Variants in DOCK2 observed in about 807,000 individuals in gnomAD.
DOCK2 encodes the protein dedicator of cytokinesis protein 2.
In DOCK2, 87 loss-of-function variants were observed where a neutral mutation model predicts 248.9. The observed-to-expected ratio is 0.35, with a 90% CI of 0.29 to 0.42. DOCK2 has a LOEUF of 0.42. DOCK2 is among the 10% of genes least tolerant of loss of function. The probability of loss-of-function intolerance (pLI) is 1.00; values close to 1 mark genes in which losing one functional copy is unlikely to be tolerated. For synonymous variants in DOCK2, 805 were observed against 821.6 expected (o/e 0.98, Z 0.35); for missense variants, 1,747 against 2,300.2 (o/e 0.76, Z 4.92).
At chr5:169,881,489 G>A (rs771859783) in intron 27 of DOCK2, 252 of 1,454,358 alleles carry the variant, frequency 1.7e-4, no homozygotes, top group Admixed American at 2.6e-4. Flanking sequence ...CAAAAGTCAC[G>A]TGGGCCACAA....
chr5:169,999,047 G>A (rs746647290), intron 30 of DOCK2, among the ~76,000 whole-genome samples: 3 of 152,130 alleles, frequency 2.0e-5, no homozygotes, highest in Non-Finnish European at 2.9e-5. Flanking sequence ...CGTGGGTATC[G>A]GCTATTGCAG....
At chr5:169,760,355 A>G (rs980831897) in intron 24 of DOCK2, among the ~76,000 whole-genome samples, 14 of 152,220 alleles carry the variant, frequency 9.2e-5, no homozygotes, top group Non-Finnish European at 2.1e-4. Context: ...TTTAGAAGAG[A>G]GTTGCAAAGA....
intron 26 of DOCK2, among the ~76,000 whole-genome samples, chr5:169,836,907 A>G (rs989836004): frequency 2.0e-5 from 3 of 152,226 alleles, no homozygotes; most frequent in African/African-American, 7.2e-5. Flanking sequence ...ATTGTTACTT[A>G]AAATATTCTC....
At position 170,077,811 on chromosome 5, in the gene DOCK2, C is replaced by T. The variant is rs767664459; in HGVS notation, c.4968C>T (p.Ser1656=). Residue 1656 remains serine, a synonymous_variant, in exon 48 of 52, where the codon AGC becomes AGT. Coordinates refer to ENST00000520908, the MANE Select transcript of DOCK2 (RefSeq NM_004946.3). ...ISLASMNSDC[S]TPSKPTSESF... is the part of the protein sequence containing the mutation. ...TGGCTTCCATGAATTCTGACTGCAG[C>T]ACCCCCAGCAAGCCTACCTCAGAGA... 6.6e-5 allele frequency: 106 copies of T among 1,613,590 alleles called. No individual in the cohort carries two copies. The East Asian group carries it at 2.3e-3, about 35-fold the overall frequency.
intron 2 of DOCK2, among the ~76,000 whole-genome samples, chr5:169,661,057 T>C: frequency 6.6e-6 from 1 of 152,334 alleles, no homozygotes; most frequent in East Asian, 1.9e-4. Flanking sequence ...ATTATTATTT[T>C]AATTGATTTT....
At chr5:169,797,543 AT>A (rs1233994817) in intron 25 of DOCK2, among the ~76,000 whole-genome samples, 1 of 152,164 alleles carries the variant, frequency 6.6e-6, no homozygotes, top group Non-Finnish European at 1.5e-5. Context: ...GAAATACCGC[AT>A]TTTCCTCTCT....
chr5:169,929,402 C>T (rs1040598846), intron 27 of DOCK2, among the ~76,000 whole-genome samples: 1 of 152,102 alleles, frequency 6.6e-6, no homozygotes, highest in Non-Finnish European at 1.5e-5. Flanking sequence ...ATATACAGAA[C>T]TCCTAGCTTA....
chr5:169,716,181 T>C, intron 19 of DOCK2, 32 bp from the exon 20 acceptor site: 1 of 1,601,570 alleles, frequency 6.2e-7, no homozygotes, highest in Non-Finnish European at 8.6e-7. Context: ...GTCTTGTTTC[T>C]GAAGTAGTGC....
At chr5:169,730,076 C>A (rs543558663) in intron 22 of DOCK2, among the ~76,000 whole-genome samples, 1 of 152,318 alleles carries the variant, frequency 6.6e-6, no homozygotes, top group East Asian at 1.9e-4. Context: ...CCTGCCTCAG[C>A]CTCCCGAGTA....
intron 32 of DOCK2, among the ~76,000 whole-genome samples, chr5:170,014,656 AG>A (rs201182245): frequency 0.048 from 2,853 of 59,994 alleles, 105 homozygotes; most frequent in African/African-American, 0.16. Flanking sequence ...TAGACTATGG[AG>A]GGGGGGTCCA....
rs966749678 is a variant in DOCK2 at position 169,942,056 on chromosome 5, C to T, written c.2800-41012C>T. On this transcript the variant is annotated intron_variant, in intron 27 of 51. Transcript: ENST00000520908. ...GTCGTTAGCCTGAACGAAAACAGTT[C>T]GACATGAGAAGGATGTGGGCCTGTC... is the stretch of plus-strand genomic sequence containing the variant. 4.6e-5 allele frequency among the ~76,000 whole-genome samples: 7 copies of T among 152,300 alleles called. No individual in the cohort carries two copies. The South Asian group carries it at 6.2e-4, about 14-fold the overall frequency.
At chr5:170,054,627 T>G (rs955140967) in intron 41 of DOCK2, among the ~76,000 whole-genome samples, 1 of 152,246 alleles carries the variant, frequency 6.6e-6, no homozygotes, top group African/African-American at 2.4e-5. Context: ...GACATTTATT[T>G]GCATATTCTA....
intron 27 of DOCK2, among the ~76,000 whole-genome samples, chr5:169,844,468 C>G (rs1158842295): frequency 1.3e-5 from 2 of 152,210 alleles, no homozygotes; most frequent in Admixed American, 6.5e-5. Flanking sequence ...AGCTGGGCAC[C>G]TTGGCCTTGG....
At chr5:169,985,672 T>G (rs577438847) in intron 28 of DOCK2, among the ~76,000 whole-genome samples, 156 bp from the exon 29 acceptor site, 1 of 152,314 alleles carries the variant, frequency 6.6e-6, no homozygotes. Flanking sequence ...ATTCCAGCAT[T>G]CAATCTTTAA....
intron 27 of DOCK2, among the ~76,000 whole-genome samples, chr5:169,903,311 T>C (rs1019583291): frequency 9.0e-6 from 1 of 111,084 alleles, no homozygotes; most frequent in African/African-American, 3.7e-5. Context: ...ACAACAACAA[T>C]AAAAAAAAAA....
chr5:170,017,782 G>A (rs145894885), intron 32 of DOCK2, among the ~76,000 whole-genome samples: 17 of 152,292 alleles, frequency 1.1e-4, no homozygotes, highest in Middle Eastern at 3.4e-3. Flanking sequence ...CACTCAGGCC[G>A]TCTGGCTCCA....
At chr5:169,890,067 G>T (rs143424108) in intron 27 of DOCK2, among the ~76,000 whole-genome samples, 1 of 152,324 alleles carries the variant, frequency 6.6e-6, no homozygotes, top group African/African-American at 2.4e-5. Context: ...TAAAGAAGAC[G>T]AATTCAATCC....
intron 23 of DOCK2, among the ~76,000 whole-genome samples, chr5:169,757,403 G>A (rs1350469272): frequency 3.9e-5 from 6 of 152,078 alleles, no homozygotes; most frequent in Non-Finnish European, 7.4e-5. Flanking sequence ...TTAAGCCAAT[G>A]CTTTCCAAAA....
chr5:169,869,759 C>T (rs758008987), intron 27 of DOCK2, among the ~76,000 whole-genome samples: 1 of 152,212 alleles, frequency 6.6e-6, no homozygotes, highest in Non-Finnish European at 1.5e-5. Context: ...GTGGGAGAGA[C>T]TCTCTGCTTT....
Sources: gnomAD v4.1 joint callset for allele counts (sites outside exome capture counted in the v4.1 genomes callset) on GRCh38, gnomAD v4.1.1 for gene constraint, MANE v1.5 for transcripts, NCBI Gene and HGNC (gene_info 2026-07-23, HGNC 2026-07-21) for gene names.